ADNP: variants seen among roughly 807,000 people sequenced by gnomAD.
The protein encoded by ADNP is activity dependent neuroprotector homeobox.
ADNP carries 4 observed loss-of-function variants against 84.9 expected under a neutral mutation model. The ratio of observed to expected loss-of-function variants is 0.05; its 90% CI spans 0.02 to 0.11. The LOEUF is 0.11. Ranked by LOEUF, ADNP falls within the 10% of genes least tolerant of loss-of-function variation. The pLI is 1.00. For missense variants in ADNP, 1,132 were observed against 1,326.0 expected (o/e 0.85, Z 2.27); for synonymous variants, 554 against 468.1 (o/e 1.18, Z -2.37).
chr20:50,904,222 C>T (rs757488305), intron 3 of ADNP: 18 of 521,826 alleles, frequency 3.4e-5, no homozygotes, highest in Non-Finnish European at 4.5e-5. Context: ...AAGACAGAGT[C>T]TTACTCTGTC....
At chr20:50,904,140 CACAG>C (rs1212607650) in intron 3 of ADNP, 139 bp from the exon 4 acceptor site, 1 of 623,936 alleles carries the variant, frequency 1.6e-6, no homozygotes, top group Non-Finnish European at 2.8e-6. Flanking sequence ...TGTGTACACA[CACAG>C]ACACACACCT....
At chr20:50,901,321 T>TAAAAAAAA (rs11470054) in intron 5 of ADNP, among the ~76,000 whole-genome samples, 1 of 92,758 alleles carries the variant, frequency 1.1e-5, no homozygotes, top group Non-Finnish European at 2.0e-5. Flanking sequence ...CTGGGGTATT[T>TAAAAAAAA]AAAAAAAAAA....
chr20:50,924,034 A>G (rs142391608), intron 2 of ADNP, among the ~76,000 whole-genome samples: 112 of 152,352 alleles, frequency 7.4e-4, no homozygotes, highest in African/African-American at 2.5e-3. Flanking sequence ...TCAGGTCATG[A>G]GCTTCCACCA....
At chr20:50,916,584 G>A (rs1324725979) in intron 2 of ADNP, among the ~76,000 whole-genome samples, 1 of 152,160 alleles carries the variant, frequency 6.6e-6, no homozygotes, top group Non-Finnish European at 1.5e-5. Flanking sequence ...ATTCGGATGT[G>A]ACATATTCAG....
At position 50,890,131 on chromosome 20, in the gene ADNP, TAAA is replaced by T. The variant is rs150489825; in HGVS notation, c.*1271_*1273del. On this transcript the variant is annotated 3_prime_UTR_variant, in exon 6 of 6. Transcript: ENST00000621696. ...AACTCAAGGGTGTTTGTTTTTCAGT[TAAA>T]AAAAAAAAAAAAAAAAAAAAAAAAA... The T allele has an allele frequency of 0.22, 17,217 of 79,686 alleles. 1,585 individuals carry two copies. Among genetic ancestry groups the T allele is most frequent in the African/African-American group, 0.28 (7,114 of 25,466 alleles). The allele number at this position is 79,686 out of a possible 1,614,324, so 4.9% of individuals were successfully genotyped here. A position where few individuals can be genotyped will look rare whatever the true frequency, so the allele number is the denominator to read the frequency against.
chr20:50,894,847 G>A (rs1032389224), intron 5 of ADNP, among the ~76,000 whole-genome samples: 4 of 152,124 alleles, frequency 2.6e-5, no homozygotes, highest in African/African-American at 9.7e-5. Flanking sequence ...GCAACGAGCC[G>A]AGATCGGCCA....
Sources: allele counts gnomAD v4.1 joint callset (sites outside exome capture counted in the v4.1 genomes callset), GRCh38; gene constraint gnomAD v4.1.1; transcripts MANE v1.5; gene names NCBI Gene and HGNC (gene_info 2026-07-23, HGNC 2026-07-21).